The following SULF2 variants were observed in gnomAD, a reference collection of about 807,000 sequenced individuals.
SULF2 encodes sulfatase 2.
SULF2 carries 52 observed loss-of-function variants against 107.7 expected under a neutral mutation model. The ratio of observed to expected loss-of-function variants is 0.48; its 90% CI spans 0.39 to 0.61. The LOEUF (loss-of-function observed/expected upper bound fraction) is 0.61, where lower values mean the gene tolerates loss of function less well. SULF2 is among the 20% of genes least tolerant of loss of function. The pLI, the probability that SULF2 is intolerant of heterozygous loss-of-function variation, is 0.00. For missense variants in SULF2, 993 were observed against 1,177.3 expected, an observed-to-expected ratio of 0.84 and a Z score of 2.29; for synonymous variants, 460 against 464.3, an observed-to-expected ratio of 0.99 and a Z score of 0.12.
intron 3 of SULF2, among the ~76,000 whole-genome samples, chr20:47,733,324 T>C (rs1261041079): frequency 6.6e-6 from 1 of 152,226 alleles, no homozygotes; most frequent in Non-Finnish European, 1.5e-5. Flanking sequence ...TTTGCAAAAA[T>C]GTCCCTAGTG....
intron 4 of SULF2, among the ~76,000 whole-genome samples, chr20:47,690,885 A>G (rs1258723704): frequency 6.6e-6 from 1 of 150,914 alleles, no homozygotes; most frequent in Non-Finnish European, 1.5e-5. Flanking sequence ...AAAAAAAAAG[A>G]TATTAAAAGA....
chr20:47,785,834 C>T (rs1271931749), upstream of SULF2: 1 of 151,948 alleles, frequency 6.6e-6, no homozygotes, highest in African/African-American at 2.4e-5. Context: ...AGCGCTTTTA[C>T]CTCCGGCCTG....
chr20:47,672,512 C>T (rs1449499142), intron 10 of SULF2, 119 bp from the exon 11 acceptor site: 21 of 1,438,088 alleles, frequency 1.5e-5, no homozygotes, highest in African/African-American at 2.9e-5. Context: ...CAGCTGTTAC[C>T]GAGCCCCACC....
chr20:47,703,283 C>T (rs528655871), intron 3 of SULF2, among the ~76,000 whole-genome samples: 1 of 152,324 alleles, frequency 6.6e-6, no homozygotes, highest in South Asian at 2.1e-4. Flanking sequence ...TCTGCAAAAA[C>T]TGCAATGGGA....
intron 15 of SULF2, 87 bp downstream of exon 15, chr20:47,664,043 C>A: frequency 7.0e-7 from 1 of 1,436,590 alleles, no homozygotes. Context: ...GACTTCTTTC[C>A]TTTTCTTCTG....
intron 1 of SULF2, among the ~76,000 whole-genome samples, chr20:47,764,547 A>G (rs184693391): frequency 5.3e-5 from 8 of 152,198 alleles, no homozygotes; most frequent in Non-Finnish European, 1.2e-4. Context: ...CCTGGGGCAG[A>G]CATGTGACCC....
intron 1 of SULF2, among the ~76,000 whole-genome samples, chr20:47,777,556 T>C (rs2090747568): frequency 6.6e-6 from 1 of 152,174 alleles, no homozygotes; most frequent in Non-Finnish European, 1.5e-5. Context: ...GCTTTGGACT[T>C]GGTGTTATGT....
intron 2 of SULF2, among the ~76,000 whole-genome samples, chr20:47,744,550 A>C (rs2089962437): frequency 6.6e-6 from 1 of 152,166 alleles, no homozygotes; most frequent in Admixed American, 6.5e-5. Flanking sequence ...TATGTGAAGC[A>C]GGCCCTGGGA....
chr20:47,769,646 C>T (rs533842587), intron 1 of SULF2, among the ~76,000 whole-genome samples: 1 of 152,252 alleles, frequency 6.6e-6, no homozygotes, highest in East Asian at 1.9e-4. Flanking sequence ...TCCTGAGCAC[C>T]TACTATGTTC....
In SULF2 at chr20:47,665,263, G is replaced by A; in HGVS notation, c.1933C>T (p.Leu645=). 6.2e-7 allele frequency: 1 copy of A among 1,613,920 alleles called. No individual in the cohort carries two copies. The highest frequency in any genetic ancestry group is 8.5e-7 in the Non-Finnish European group (1 of 1,179,820). Reference sequence around the variant, plus strand: ...TTCAGGTGACCTCGGACTTCCCTCAGGTTCTTAATTTTGTTCTGCAGGGTT... The same window carrying A: ...TTCAGGTGACCTCGGACTTCCCTCAAGTTCTTAATTTTGTTCTGCAGGGTT... The part of the protein sequence containing the change: ...IETLQNKIKN[L]REVRGHLKKK... Residue 645 remains leucine, a synonymous_variant, in exon 14 of 21, where the codon CTG becomes TTG. Transcript: ENST00000688720.
chr20:47,693,044 T>C (rs1377368219), intron 4 of SULF2, among the ~76,000 whole-genome samples: 1 of 152,196 alleles, frequency 6.6e-6, no homozygotes, highest in Non-Finnish European at 1.5e-5. Flanking sequence ...ACTTGCTTCT[T>C]TATATATTGC....
chr20:47,676,445 G>T, intron 10 of SULF2, 49 bp downstream of exon 10: 2 of 1,587,948 alleles, frequency 1.3e-6, no homozygotes, highest in Non-Finnish European at 1.7e-6. Flanking sequence ...GGTCAGGGCC[G>T]GCTGCAGTCA....
At chr20:47,692,146 A>C (rs1317073302) in intron 4 of SULF2, among the ~76,000 whole-genome samples, 10 of 152,242 alleles carry the variant, frequency 6.6e-5, no homozygotes, top group Admixed American at 3.3e-4. Flanking sequence ...CCTCTGCTAG[A>C]AAGCAGCTCT....
chr20:47,664,596 G>T (rs1458148032), intron 14 of SULF2, among the ~76,000 whole-genome samples: 1 of 152,166 alleles, frequency 6.6e-6, no homozygotes, highest in Admixed American at 6.5e-5. Flanking sequence ...CTTGGTCGGG[G>T]TCAACACAGG....
At chr20:47,759,366 T>C (rs1315478591) in intron 1 of SULF2, among the ~76,000 whole-genome samples, 1 of 152,196 alleles carries the variant, frequency 6.6e-6, no homozygotes, top group Non-Finnish European at 1.5e-5. Flanking sequence ...AGCTTCTCTT[T>C]GCCCCAGGGT....
intron 6 of SULF2, 121 bp downstream of exon 6, chr20:47,684,310 C>A (rs1568811656): frequency 8.6e-7 from 1 of 1,159,416 alleles, no homozygotes; most frequent in African/African-American, 1.6e-5. Flanking sequence ...CATGGGGCCT[C>A]TTCATTCTGC....
intron 1 of SULF2, among the ~76,000 whole-genome samples, chr20:47,784,995 C>T (rs2090897689): frequency 6.6e-6 from 1 of 152,150 alleles, no homozygotes; most frequent in Admixed American, 6.5e-5. Context: ...AGGCCATGCC[C>T]CTGCGGATGG....
At chr20:47,782,813 C>G (rs149015204) in intron 1 of SULF2, among the ~76,000 whole-genome samples, 3 of 152,170 alleles carry the variant, frequency 2.0e-5, no homozygotes, top group Non-Finnish European at 4.4e-5. Context: ...AATACAAACC[C>G]GGACTCTCTG....
At chr20:47,677,549 C>T (rs763906606) in intron 8 of SULF2, among the ~76,000 whole-genome samples, 2 of 152,090 alleles carry the variant, frequency 1.3e-5, no homozygotes, top group Non-Finnish European at 2.9e-5. Context: ...AGTGGTTTGG[C>T]GTCTTGAGCT....
Sources: allele counts gnomAD v4.1 joint callset (sites outside exome capture counted in the v4.1 genomes callset), GRCh38; gene constraint gnomAD v4.1.1; transcripts MANE v1.5; gene names NCBI Gene and HGNC (gene_info 2026-07-23, HGNC 2026-07-21).